The following MIPEP variants were observed in gnomAD, a reference collection of about 807,000 sequenced individuals.
MIPEP encodes the protein mitochondrial intermediate peptidase.
In MIPEP, 79 loss-of-function variants were observed where a neutral mutation model predicts 90.3. The observed-to-expected ratio is 0.87, with a 90% CI of 0.73 to 1.05. The LOEUF is 1.05. Ranked by LOEUF, MIPEP falls within the 50% of genes least tolerant of loss-of-function variation. The probability of loss-of-function intolerance (pLI) is 0.00; values close to 1 mark genes in which losing one functional copy is unlikely to be tolerated. For missense variants in MIPEP, 940 were observed against 905.6 expected (o/e 1.04, Z -0.49); for synonymous variants, 334 against 315.8 (o/e 1.06, Z -0.61).
At chr13:23,766,867 T>C (rs1311304762) in intron 16 of MIPEP, among the ~76,000 whole-genome samples, 2 of 152,238 alleles carry the variant, frequency 1.3e-5, no homozygotes, top group Non-Finnish European at 2.9e-5. Flanking sequence ...CCTAACCAAC[T>C]GAATATGGCA....
chr13:23,832,701 AAGG>A (rs760989453), intron 14 of MIPEP, among the ~76,000 whole-genome samples: 2 of 152,204 alleles, frequency 1.3e-5, no homozygotes, highest in Admixed American at 1.3e-4. Flanking sequence ...CCTAAAATTG[AAGG>A]AGATTTATGG....
In MIPEP at chr13:23,789,630, T is replaced by A. The variant is rs543144623; in HGVS notation, c.1848+16320A>T. Among the ~76,000 whole-genome samples, 65 of 152,248 alleles carry A rather than the reference T, an allele frequency of 4.3e-4. No individual in the cohort carries two copies. In the South Asian group the frequency reaches 6.4e-3, roughly 15 times the overall value. ...ATCCTGGCCTCTGCATTACCCAGAG[T>A]ATCAGGTACAAATAAAGAGAAAGAA... On this transcript the variant is annotated intron_variant, in intron 16 of 18. Transcript: ENST00000382172.
chr13:23,749,182 G>A (rs1952414195), intron 18 of MIPEP, among the ~76,000 whole-genome samples: 1 of 152,180 alleles, frequency 6.6e-6, no homozygotes, highest in Non-Finnish European at 1.5e-5. Flanking sequence ...AATTAATCAA[G>A]CTATTGCTGA....
intron 2 of MIPEP, among the ~76,000 whole-genome samples, chr13:23,885,980 T>C (rs1362389959): frequency 2.0e-5 from 3 of 151,520 alleles, no homozygotes; most frequent in African/African-American, 7.3e-5. Flanking sequence ...CTTAGAATTT[T>C]GGGAGACACT....
At chr13:23,750,202 A>G (rs7987955) in intron 18 of MIPEP, among the ~76,000 whole-genome samples, 24,020 of 152,154 alleles carry the variant, frequency 0.16, 2,059 homozygotes, top group South Asian at 0.23. Flanking sequence ...ATCTTTCATC[A>G]TGTGGCACAT....
chr13:23,886,353 AG>A lies in MIPEP; in HGVS notation c.342del (p.Leu115TyrfsTer11). The A allele has an allele frequency of 6.3e-7, 1 of 1,580,966 alleles. No homozygotes were observed. Among genetic ancestry groups the A allele is most frequent in the Non-Finnish European group, 8.6e-7 (1 of 1,163,172 alleles). On this transcript the variant is annotated frameshift_variant, in exon 2 of 19. Transcript: ENST00000382172. LOFTEE classifies it high-confidence loss of function. ...TVLIFDELSD[S>X]LCRVADLADF... ...CTTACCAAGTCGGCCACTCTGCATA[AG>A]GAATCCGAGAGCTCATCGAAGATCA...
chr13:23,878,607 T>C (rs1279713242), intron 4 of MIPEP, among the ~76,000 whole-genome samples: 1 of 152,144 alleles, frequency 6.6e-6, no homozygotes, highest in Non-Finnish European at 1.5e-5. Flanking sequence ...TATAAGCAGG[T>C]TAAGGACAAA....
intron 5 of MIPEP, among the ~76,000 whole-genome samples, chr13:23,874,151 T>C (rs1870953827): frequency 6.6e-6 from 1 of 152,208 alleles, no homozygotes; most frequent in Non-Finnish European, 1.5e-5. Flanking sequence ...CATAATAGTC[T>C]AGACTGCAGG....
rs1188711342 is a variant in MIPEP at position 23,869,445 on chromosome 13, G to A, written c.790C>T (p.Arg264Ter). ...AGAAAAATTTTATAAGCAGCTTCTC[G>A]CACCTACGTTTAAAAAGTAAATGGT... Reference protein sequence around the residue: ...LHAESPDDLVREAAYKIFLYP... With the variant: ...LHAESPDDLV The change falls in exon 7 of 19, where the codon CGA becomes TGA. Residue 264 changes from arginine (R) to a stop codon, truncating the protein, a stop_gained. Transcript: ENST00000382172. LOFTEE classifies it high-confidence loss of function. 1.9e-6 allele frequency: 3 copies of A among 1,600,490 alleles called. No individual in the cohort carries two copies. In the South Asian group the frequency reaches 3.4e-5, roughly 18 times the overall value.
chr13:23,745,058 G>A (rs906580010), intron 18 of MIPEP, among the ~76,000 whole-genome samples: 1 of 152,156 alleles, frequency 6.6e-6, no homozygotes, highest in South Asian at 2.1e-4. Context: ...CATACATTTA[G>A]TACCGAATGG....
intron 10 of MIPEP, among the ~76,000 whole-genome samples, chr13:23,845,398 C>T (rs185747631): frequency 2.6e-5 from 4 of 152,232 alleles, no homozygotes; most frequent in African/African-American, 9.6e-5. Flanking sequence ...TTGGAATTTC[C>T]CACATATGGG....
rs397977292 is a variant in MIPEP, at chr13:23,843,097, CAAAAAAA to C, written c.1107-1616_1107-1610del. ...GGCGACAGAGCAAGACTCTCCATCT[CAAAAAAA>C]AAAAAAAAAAAAAAAGGAATCAGAC... On this transcript the variant is annotated intron_variant, in intron 10 of 18. Coordinates refer to ENST00000382172, the MANE Select transcript of MIPEP (RefSeq NM_005932.4). Among the ~76,000 whole-genome samples, 7 of 53,570 alleles carry C rather than the reference CAAAAAAA, an allele frequency of 1.3e-4. No individual in the cohort carries two copies. The East Asian group carries it at 1.7e-3, about 13-fold the overall frequency. The allele number at this position is 53,570 out of a possible 152,430, so 35.1% of individuals were successfully genotyped here. A position where few individuals can be genotyped will look rare whatever the true frequency, so the allele number is the denominator to read the frequency against.
intron 3 of MIPEP, among the ~76,000 whole-genome samples, chr13:23,880,716 T>G (rs148810132): frequency 1.3e-5 from 2 of 152,292 alleles, no homozygotes; most frequent in East Asian, 1.9e-4. Context: ...ATTACGCAAG[T>G]TGGTTTTCAG....
intron 16 of MIPEP, among the ~76,000 whole-genome samples, chr13:23,797,175 C>T (rs1952971600): frequency 6.6e-6 from 1 of 152,148 alleles, no homozygotes; most frequent in Non-Finnish European, 1.5e-5. Flanking sequence ...CTTTGACGGA[C>T]ACACCTCTGG....
At chr13:23,773,486 G>A (rs1235089186) in intron 16 of MIPEP, among the ~76,000 whole-genome samples, 1 of 152,198 alleles carries the variant, frequency 6.6e-6, no homozygotes, top group African/African-American at 2.4e-5. Flanking sequence ...CCACCTGGGA[G>A]TGGAACTGCT....
At chr13:23,814,957 C>T (rs905903412) in intron 14 of MIPEP, among the ~76,000 whole-genome samples, 1 of 152,162 alleles carries the variant, frequency 6.6e-6, no homozygotes, top group African/African-American at 2.4e-5. Flanking sequence ...GGATGTTGGG[C>T]AACTTACTGA....
In MIPEP at chr13:23,780,884, C is replaced by T. The variant is rs564540873; in HGVS notation, c.1849-20667G>A. Among the ~76,000 whole-genome samples, 7 of 151,588 alleles carry T rather than the reference C, an allele frequency of 4.6e-5. No individual in the cohort carries two copies. The East Asian group carries it at 5.8e-4, about 13-fold the overall frequency. ...TAAAGATCAAATGAATGAAATGAAG[C>T]GAGAAGAGAAGTTTAGAAAAAAAAG... On this transcript the variant is annotated intron_variant, in intron 16 of 18. Transcript: ENST00000382172.
intron 18 of MIPEP, among the ~76,000 whole-genome samples, chr13:23,752,791 C>T (rs1483826846): frequency 6.6e-6 from 1 of 151,962 alleles, no homozygotes; most frequent in Non-Finnish European, 1.5e-5. Context: ...GAATGTCATG[C>T]CTATAATATA....
At chr13:23,810,225 C>G (rs930581072) in intron 14 of MIPEP, among the ~76,000 whole-genome samples, 2 of 152,176 alleles carry the variant, frequency 1.3e-5, no homozygotes, top group Non-Finnish European at 2.9e-5. Context: ...AAAGGGAATA[C>G]TTTTTCTGTT....
Sources: allele counts gnomAD v4.1 joint callset (sites outside exome capture counted in the v4.1 genomes callset), GRCh38; gene constraint gnomAD v4.1.1; transcripts MANE v1.5; gene names NCBI Gene and HGNC (gene_info 2026-07-23, HGNC 2026-07-21).